The following TRABD2B variants were observed in gnomAD, a reference collection of about 807,000 sequenced individuals.
TRABD2B encodes metalloprotease TIKI2.
In TRABD2B, 14 loss-of-function variants were observed where a neutral mutation model predicts 40.1. That is an observed-to-expected ratio of 0.35 (90% confidence interval 0.23 to 0.55). The LOEUF is 0.55. Ranked by LOEUF, TRABD2B falls within the 20% of genes least tolerant of loss-of-function variation. The pLI is 0.90. For missense variants in TRABD2B, 541 were observed against 648.6 expected (o/e 0.83, Z 1.80); for synonymous variants, 263 against 277.0 (o/e 0.95, Z 0.50).
chr1:47,844,129 A>G (rs1452339806), intron 2 of TRABD2B, among the ~76,000 whole-genome samples: 1 of 152,236 alleles, frequency 6.6e-6, no homozygotes, highest in Non-Finnish European at 1.5e-5. Context: ...TAATTACTCA[A>G]GTAAATCATG....
intron 2 of TRABD2B, among the ~76,000 whole-genome samples, chr1:47,894,828 C>T (rs147523605): frequency 6.6e-6 from 1 of 152,286 alleles, no homozygotes; most frequent in Non-Finnish European, 1.5e-5. Context: ...GACACATGCT[C>T]TGCAACATGT....
At chr1:47,799,104 C>A (rs1644785844) in intron 3 of TRABD2B, among the ~76,000 whole-genome samples, 1 of 152,178 alleles carries the variant, frequency 6.6e-6, no homozygotes, top group Non-Finnish European at 1.5e-5. Context: ...TGGTCTGGAC[C>A]CAAGCTCAAA....
At chr1:47,843,335 G>A (rs1645425296) in intron 2 of TRABD2B, among the ~76,000 whole-genome samples, 1 of 152,184 alleles carries the variant, frequency 6.6e-6, no homozygotes, top group Non-Finnish European at 1.5e-5. Context: ...AGGGGAGAAA[G>A]TGAGCAGGGG....
chr1:47,982,179 C>T (rs1419267400), intron 2 of TRABD2B, among the ~76,000 whole-genome samples: 1 of 152,174 alleles, frequency 6.6e-6, no homozygotes, highest in East Asian at 1.9e-4. Flanking sequence ...CCCATCCCTG[C>T]ACTGGATGAT....
At chr1:47,924,275 C>T (rs145150179) in intron 2 of TRABD2B, among the ~76,000 whole-genome samples, 1 of 152,140 alleles carries the variant, frequency 6.6e-6, no homozygotes, top group Non-Finnish European at 1.5e-5. Flanking sequence ...AGGTTTACCC[C>T]CTTCAGAACC....
At chr1:47,829,008 C>T (rs2124441572) in intron 2 of TRABD2B, among the ~76,000 whole-genome samples, 1 of 152,284 alleles carries the variant, frequency 6.6e-6, no homozygotes, top group Admixed American at 6.5e-5. Flanking sequence ...ACAATGCTCT[C>T]ATTTGATGCC....
chr1:47,795,766 T>C, intron 3 of TRABD2B: 1 of 911,426 alleles, frequency 1.1e-6, no homozygotes, highest in Non-Finnish European at 1.3e-6. Context: ...TCCCCATCCC[T>C]GCACCACCAC....
intron 2 of TRABD2B, among the ~76,000 whole-genome samples, chr1:47,959,935 C>T (rs1026298369): frequency 2.6e-5 from 4 of 152,156 alleles, no homozygotes; most frequent in Non-Finnish European, 5.9e-5. Flanking sequence ...GACCAATATC[C>T]CTAATGAATA....
intron 2 of TRABD2B, among the ~76,000 whole-genome samples, chr1:47,969,840 T>A (rs1417667427): frequency 6.6e-6 from 1 of 152,162 alleles, no homozygotes; most frequent in African/African-American, 2.4e-5. Flanking sequence ...AGCAAGGTGA[T>A]GTTTCCCCTG....
chr1:47,959,060 A>G (rs888800750), intron 2 of TRABD2B, among the ~76,000 whole-genome samples: 17 of 152,182 alleles, frequency 1.1e-4, no homozygotes, highest in Admixed American at 1.0e-3. Context: ...TAAAAAACTC[A>G]CTCAAAACTG....
At chr1:47,906,144 C>T (rs1025018439) in intron 2 of TRABD2B, among the ~76,000 whole-genome samples, 3 of 152,200 alleles carry the variant, frequency 2.0e-5, no homozygotes, top group African/African-American at 4.8e-5. Context: ...CTTCAATGGC[C>T]CTCCTGTGGC....
chr1:47,851,673 T>A (rs1645550898), intron 2 of TRABD2B, among the ~76,000 whole-genome samples: 1 of 152,068 alleles, frequency 6.6e-6, no homozygotes, highest in Non-Finnish European at 1.5e-5. Flanking sequence ...ACAATGGGAG[T>A]GACAATCCCC....
At chr1:47,975,761 A>C (rs750494403) in intron 2 of TRABD2B, among the ~76,000 whole-genome samples, 4 of 152,224 alleles carry the variant, frequency 2.6e-5, no homozygotes, top group Non-Finnish European at 4.4e-5. Flanking sequence ...GGGTCAAATG[A>C]AGCAATACAA....
At chr1:47,859,517 TA>T (rs1331718195) in intron 2 of TRABD2B, among the ~76,000 whole-genome samples, 1 of 152,242 alleles carries the variant, frequency 6.6e-6, no homozygotes, top group East Asian at 1.9e-4. Context: ...TTTTGACTTG[TA>T]GAGCTCTGGC....
chr1:47,967,714 C>T (rs1645623941), intron 2 of TRABD2B, among the ~76,000 whole-genome samples: 1 of 152,198 alleles, frequency 6.6e-6, no homozygotes, highest in African/African-American at 2.4e-5. Flanking sequence ...AGCCTAGAGT[C>T]ATCCAGAGAA....
intron 5 of TRABD2B, among the ~76,000 whole-genome samples, chr1:47,776,835 C>A (rs1444273769): frequency 6.6e-6 from 1 of 152,190 alleles, no homozygotes; most frequent in Non-Finnish European, 1.5e-5. Flanking sequence ...TCCCCTACCC[C>A]CATGGCAACC....
intron 2 of TRABD2B, among the ~76,000 whole-genome samples, chr1:47,946,185 T>C (rs539999184): frequency 6.6e-6 from 1 of 152,378 alleles, no homozygotes; most frequent in South Asian, 2.1e-4. Context: ...GCCATTCATA[T>C]ATCTTCTTTT....
chr1:47,909,160 C>T (rs72692142), intron 2 of TRABD2B, among the ~76,000 whole-genome samples: 31,612 of 152,194 alleles, frequency 0.21, 3,600 homozygotes, highest in Admixed American at 0.26. Context: ...CGTGTGGACA[C>T]GTTCTAATTT....
At chr1:47,930,860 T>G (rs1557663729) in intron 2 of TRABD2B, among the ~76,000 whole-genome samples, 1 of 152,150 alleles carries the variant, frequency 6.6e-6, no homozygotes, top group Admixed American at 6.5e-5. Context: ...CAGCAGCTTA[T>G]GAGACGAGCT....
Sources: gnomAD v4.1 joint callset for allele counts (sites outside exome capture counted in the v4.1 genomes callset) on GRCh38, gnomAD v4.1.1 for gene constraint, MANE v1.5 for transcripts, NCBI Gene and HGNC (gene_info 2026-07-23, HGNC 2026-07-21) for gene names.